The following TCERG1 variants were observed in gnomAD, a reference collection of about 807,000 sequenced individuals.
The protein encoded by TCERG1 is transcription elongation regulator 1.
A neutral mutation model predicts 144.7 loss-of-function variants in TCERG1; 37 were observed. The observed-to-expected ratio is 0.26, with a 90% CI of 0.20 to 0.34. The LOEUF (loss-of-function observed/expected upper bound fraction) is 0.34. TCERG1 is among the 10% of genes least tolerant of loss of function. The pLI, the probability that TCERG1 is intolerant of heterozygous loss-of-function variation, is 1.00. For missense variants in TCERG1, 1,027 were observed against 1,380.7 expected, an observed-to-expected ratio of 0.74 and a Z score of 4.06; for synonymous variants, 492 against 458.2, an observed-to-expected ratio of 1.07 and a Z score of -0.94.
rs370191329 is a variant in TCERG1, at chr5:146,510,624, G to A, written c.3330G>A (p.Thr1110=). The stretch of plus-strand genomic sequence containing the variant: ...CACCTCCCACAGCATCGGAGCCCAC[G>A]AGACGATCAACAAAATAATTCTAAA... The part of the protein sequence containing the change: ...PPPPPTASEP[T]RRSTK Residue 1110 remains threonine (T), a synonymous_variant, in exon 23 of 23, where the codon ACG becomes ACA. Transcript: ENST00000679501. 18 of 1,613,050 alleles carry A rather than the reference G, an allele frequency of 1.1e-5. No individual in the cohort carries two copies. Among genetic ancestry groups the A allele is most frequent in the Middle Eastern group, 3.3e-4 (2 of 6,072 alleles).
chr5:146,478,774 A>G, intron 10 of TCERG1, 121 bp downstream of exon 10: 1 of 949,526 alleles, frequency 1.1e-6, no homozygotes, highest in African/African-American at 1.7e-5. Context: ...CATTCGAAAA[A>G]AATAGACTGC....
At chr5:146,509,816 A>G (rs1048322022) in intron 22 of TCERG1, among the ~76,000 whole-genome samples, 3 of 152,208 alleles carry the variant, frequency 2.0e-5, no homozygotes, top group African/African-American at 7.2e-5. Context: ...TCATCAGGAA[A>G]ACAATTTCGC....
chr5:146,463,446 A>G, intron 4 of TCERG1, 105 bp from the exon 5 acceptor site: 1 of 1,525,106 alleles, frequency 6.6e-7, no homozygotes, highest in East Asian at 2.3e-5. Context: ...CAGTGCATAG[A>G]ATGGTCCCTT....
At chr5:146,495,752 CAA>C (rs1205107595) in intron 16 of TCERG1, among the ~76,000 whole-genome samples, 3 of 152,132 alleles carry the variant, frequency 2.0e-5, no homozygotes, top group Admixed American at 1.3e-4. Flanking sequence ...TGTTTTAACA[CAA>C]GAGAATGTTT....
chr5:146,507,314 A>G lies in TCERG1; in HGVS notation c.2961+107A>G. 1 of 1,000,824 alleles carries G rather than the reference A, an allele frequency of 1.0e-6. No homozygotes were observed. Among genetic ancestry groups the G allele is most frequent in the Non-Finnish European group, 1.4e-6 (1 of 700,840 alleles). 62.0% of individuals were successfully genotyped at this position (1,000,824 alleles called of 1,614,324 possible). On this transcript the variant is annotated intron_variant, in intron 20 of 22. Coordinates refer to ENST00000679501, the MANE Select transcript of TCERG1 (RefSeq NM_001382548.1). This position sits in a 1 kb window ranked among gnomAD's most constrained non-coding sequence, Gnocchi z 4.6. ...TAGTGTCATGGTCTTTAGATTCATT[A>G]CTGGAATGCATCTTATGACAATTCT... is the stretch of plus-strand genomic sequence containing the variant.
rs1768433575 is a variant in TCERG1, at chr5:146,511,194, A to G, written c.*552A>G. ...ATTTGTTCACTTACGTGCTTTGATT[A>G]TCCCCTCTGAATTATAGACCGAGTC... On this transcript the variant is annotated 3_prime_UTR_variant, in exon 23 of 23. Transcript: ENST00000679501. 6.6e-6 allele frequency: 1 copy of G among 152,636 alleles called. No homozygotes were observed. The highest frequency in any genetic ancestry group is 1.5e-5 in the Non-Finnish European group (1 of 68,036). The allele number at this position is 152,636 out of a possible 1,614,324, so 9.5% of individuals were successfully genotyped here. A position where few individuals can be genotyped will look rare whatever the true frequency, so the allele number is the denominator to read the frequency against.
At chr5:146,506,826 A>G (rs1768046356) in intron 19 of TCERG1, among the ~76,000 whole-genome samples, 1 of 152,190 alleles carries the variant, frequency 6.6e-6, no homozygotes. Context: ...ATAAATGAAT[A>G]GAATTTTCCT....
At chr5:146,473,138 A>G (rs1764505555) in intron 9 of TCERG1, among the ~76,000 whole-genome samples, 1 of 152,242 alleles carries the variant, frequency 6.6e-6, no homozygotes, top group African/African-American at 2.4e-5. Context: ...AATGCAAAAG[A>G]AGGAAATGAA....
chr5:146,472,911 C>T (rs1408890862), intron 9 of TCERG1, among the ~76,000 whole-genome samples: 1 of 152,118 alleles, frequency 6.6e-6, no homozygotes, highest in Middle Eastern at 3.2e-3. Context: ...GATGGGGTTT[C>T]ACCGTATTAG....
rs747038272 is a variant in TCERG1, at chr5:146,459,126, CCAGGCTCAGGCT to C, written c.687_698del (p.Ala239_Gln242del). ...CCCAGGCCCAAGCCCAAGCCCAGGC[CCAGGCTCAGGCT>C]CAGGCACAAGCTCAGGCCCAGGCCC... On this transcript the variant is annotated inframe_deletion, in exon 4 of 23. Coordinates refer to ENST00000679501, the MANE Select transcript of TCERG1 (RefSeq NM_001382548.1). 4.4e-6 allele frequency: 7 copies of C among 1,601,332 alleles called. No homozygotes were observed. Among genetic ancestry groups the C allele is most frequent in the Middle Eastern group, 3.3e-4 (2 of 6,014 alleles).
chr5:146,510,764 G>C lies in TCERG1; in HGVS notation c.*122G>C, dbSNP rs1305824387. On this transcript the variant is annotated 3_prime_UTR_variant, in exon 23 of 23. Transcript: ENST00000679501. ...AACCATCTGACAAACAGAAGGAGAA[G>C]CATTTGTGAACAGTTTCTGAACAGA... 2.2e-6 allele frequency: 2 copies of C among 925,598 alleles called. No homozygotes were observed. The highest frequency in any genetic ancestry group is 3.4e-5 in the African/African-American group (2 of 59,624). The allele number at this position is 925,598 out of a possible 1,614,324, so 57.3% of individuals were successfully genotyped here.
chr5:146,454,998 G>A, intron 1 of TCERG1, 58 bp from the exon 2 acceptor site: 2 of 1,565,380 alleles, frequency 1.3e-6, no homozygotes, highest in South Asian at 2.3e-5. Context: ...TTAGAGATCA[G>A]TAGCTACATT....
At chr5:146,473,354 AGGTT>A (rs1208415390) in intron 9 of TCERG1, among the ~76,000 whole-genome samples, 1 of 152,214 alleles carries the variant, frequency 6.6e-6, no homozygotes, top group Non-Finnish European at 1.5e-5. Context: ...AAGCTAGTAG[AGGTT>A]GGTACATGAG....
At chr5:146,451,450 G>C (rs571268430) in intron 1 of TCERG1, among the ~76,000 whole-genome samples, 16 of 151,654 alleles carry the variant, frequency 1.1e-4, no homozygotes, top group African/African-American at 3.9e-4. Flanking sequence ...AGCCTCTTGA[G>C]TAGCTGGGAT....
intron 15 of TCERG1, among the ~76,000 whole-genome samples, chr5:146,486,614 C>T (rs1391927519): frequency 6.6e-6 from 1 of 152,138 alleles, no homozygotes; most frequent in African/African-American, 2.4e-5. Context: ...CCACTTTCAC[C>T]ACTCTTAGTC....
chr5:146,478,468 AATG>A (rs759089492), intron 9 of TCERG1, 22 bp from the exon 10 acceptor site: 235 of 1,557,738 alleles, frequency 1.5e-4, no homozygotes, highest in Middle Eastern at 5.2e-4. Context: ...AACATAAGAG[AATG>A]ATATTTTGCA....
Position 146,458,812 on chromosome 5 carries a change from T to C in TCERG1, c.439-72T>C. The C allele has an allele frequency of 2.3e-5, 35 of 1,526,760 alleles. 1 individual carries two copies. The highest frequency in any genetic ancestry group is 3.1e-5 in the Non-Finnish European group (35 of 1,135,486). The allele number at this position is 1,526,760 out of a possible 1,614,324, so 94.6% of individuals were successfully genotyped here. On this transcript the variant is annotated intron_variant, in intron 3 of 22. Coordinates refer to ENST00000679501, the MANE Select transcript of TCERG1 (RefSeq NM_001382548.1). The stretch of plus-strand genomic sequence containing the variant: ...TTTTTAAATAGCTTTAAAGATAAAA[T>C]ATGGTTCCATTCTTGTTTTTAATAA...
intron 2 of TCERG1, 68 bp downstream of exon 2, chr5:146,455,349 T>TA (rs1230856573): frequency 1.3e-6 from 2 of 1,536,790 alleles, no homozygotes; most frequent in African/African-American, 1.4e-5. Context: ...GGTTTTGAGT[T>TA]AAAAACTTAC....
At chr5:146,501,119 A>G (rs1561701063) in intron 17 of TCERG1, among the ~76,000 whole-genome samples, 1 of 152,204 alleles carries the variant, frequency 6.6e-6, no homozygotes, top group Non-Finnish European at 1.5e-5. Flanking sequence ...TTGTGGTTCA[A>G]ATACTTTACC....
Sources: allele counts gnomAD v4.1 joint callset (sites outside exome capture counted in the v4.1 genomes callset), GRCh38; gene constraint gnomAD v4.1.1; non-coding constraint Gnocchi (gnomAD v3.1); transcripts MANE v1.5; gene names NCBI Gene and HGNC (gene_info 2026-07-23, HGNC 2026-07-21).